Variants in TMEM154 observed in about 807,000 individuals in gnomAD.
TMEM154 encodes the protein transmembrane protein 154.
A neutral mutation model predicts 24.5 loss-of-function variants in TMEM154; 27 were observed. The ratio of observed to expected loss-of-function variants is 1.10; its 90% CI spans 0.81 to 1.52. The LOEUF is 1.52. TMEM154 is among the 40% of genes most tolerant of loss of function. The pLI is 0.00. For missense variants in TMEM154, 228 were observed against 213.4 expected (o/e 1.07, Z -0.43); for synonymous variants, 67 against 76.8 (o/e 0.87, Z 0.67).
intron 4 of TMEM154, among the ~76,000 whole-genome samples, chr4:152,643,606 A>G (rs1273199006): frequency 2.6e-5 from 4 of 152,228 alleles, no homozygotes; most frequent in Non-Finnish European, 5.9e-5. Flanking sequence ...TCAACAGGCT[A>G]CAGTTATCAC....
intron 6 of TMEM154, among the ~76,000 whole-genome samples, chr4:152,638,254 A>T (rs1456734256): frequency 2.0e-5 from 3 of 152,218 alleles, no homozygotes; most frequent in African/African-American, 7.2e-5. Flanking sequence ...CAACAGAATG[A>T]GAGTCTGTCT....
intron 6 of TMEM154, among the ~76,000 whole-genome samples, chr4:152,633,317 G>A (rs1423548460): frequency 6.6e-6 from 1 of 152,208 alleles, no homozygotes; most frequent in South Asian, 2.1e-4. Flanking sequence ...AGCTCTTACT[G>A]GTGCTGGGAT....
At chr4:152,673,156 C>T (rs1561059333) in intron 1 of TMEM154, among the ~76,000 whole-genome samples, 1 of 152,166 alleles carries the variant, frequency 6.6e-6, no homozygotes, top group Non-Finnish European at 1.5e-5. Flanking sequence ...ATCATTCCCA[C>T]TTTTCAAACA....
Position 152,678,549 on chromosome 4 carries a change from G to A in TMEM154, c.64+1321C>T, listed in dbSNP as rs182054389. Among the ~76,000 whole-genome samples, 1,012 of 147,822 alleles carry A rather than the reference G, an allele frequency of 6.8e-3. 10 individuals are homozygous for A. The highest frequency in any genetic ancestry group is 0.022 in the African/African-American group (884 of 39,944). On this transcript the variant is annotated intron_variant, in intron 1 of 6. Transcript: ENST00000304385. ...GCGGCGGTGGGGGGAGGGGGGCAGT[G>A]GTGGTGGGGGGTGGAGGAGCTCAAA...
In TMEM154 at chr4:152,622,900, A is replaced by C. The variant is rs929948188; in HGVS notation, c.*5646T>G. On this transcript the variant is annotated 3_prime_UTR_variant, in exon 7 of 7. Coordinates refer to ENST00000304385, the MANE Select transcript of TMEM154 (RefSeq NM_152680.3). Reference sequence around the variant, plus strand: ...CACCCAGGATGCAGTGCAGTGGCACAATCTTGGCTCACTGCAACTGCCGCC... The same window carrying C: ...CACCCAGGATGCAGTGCAGTGGCACCATCTTGGCTCACTGCAACTGCCGCC... The C allele has an allele frequency of 6.6e-6, 1 of 152,240 alleles. No homozygotes were observed. Among genetic ancestry groups the C allele is most frequent in the African/African-American group, 2.4e-5 (1 of 41,452 alleles). The allele number at this position is 152,240 out of a possible 1,614,324, so 9.4% of individuals were successfully genotyped here. A position where few individuals can be genotyped will look rare whatever the true frequency, so the allele number is the denominator to read the frequency against.
chr4:152,679,515 T>C (rs1371451800), intron 1 of TMEM154, among the ~76,000 whole-genome samples: 1 of 140,566 alleles, frequency 7.1e-6, no homozygotes. Flanking sequence ...CATGTCTCTG[T>C]TTCAGCCAAT....
chr4:152,631,792 CCTTTTTTTTTTTTT>C lies in TMEM154; in HGVS notation c.537-3245_537-3232del, dbSNP rs1463872795. ...TTTTTAATGTAGTTAAATCTATCCC[CCTTTTTTTTTTTTT>C]TTTTTTTTTTTTTTTTGAGACAGAG... is the stretch of plus-strand genomic sequence containing the variant. On this transcript the variant is annotated intron_variant, in intron 6 of 6. Coordinates refer to ENST00000304385, the MANE Select transcript of TMEM154 (RefSeq NM_152680.3). Among the ~76,000 whole-genome samples, 16 of 131,538 alleles carry C rather than the reference CCTTTTTTTTTTTTT, an allele frequency of 1.2e-4. No individual in the cohort carries two copies. The East Asian group carries it at 2.2e-3, about 18-fold the overall frequency. 86.3% of individuals were successfully genotyped at this position (131,538 alleles called of 152,430 possible). A position where few individuals can be genotyped will look rare whatever the true frequency, so the allele number is the denominator to read the frequency against.
At chr4:152,679,531 C>A (rs1476389539) in intron 1 of TMEM154, among the ~76,000 whole-genome samples, 1 of 57,418 alleles carries the variant, frequency 1.7e-5, no homozygotes, top group Non-Finnish European at 6.6e-5. Flanking sequence ...CCAATTGAAG[C>A]TTTTGTTTTT....
At chr4:152,665,214 A>G (rs1216370162) in intron 1 of TMEM154, among the ~76,000 whole-genome samples, 3 of 152,224 alleles carry the variant, frequency 2.0e-5, no homozygotes, top group African/African-American at 4.8e-5. Flanking sequence ...TGTTCTAAAT[A>G]TCGATCAATC....
At position 152,628,915 on chromosome 4, in the gene TMEM154, A is replaced by G. The variant is rs765548310; in HGVS notation, c.537-354T>C. ...CCACCTTGACCTCCCAAAGTGCTGGAATTACAGGTGTGAGCCACTGCACCC... is the reference window on the plus strand; with the variant it reads ...CCACCTTGACCTCCCAAAGTGCTGGGATTACAGGTGTGAGCCACTGCACCC... On this transcript the variant is annotated intron_variant, in intron 6 of 6. Coordinates refer to ENST00000304385, the MANE Select transcript of TMEM154 (RefSeq NM_152680.3). 2.1e-4 allele frequency among the ~76,000 whole-genome samples: 32 copies of G among 151,850 alleles called. 1 individual carries two copies. Among genetic ancestry groups the G allele is most frequent in the Admixed American group, 3.9e-4 (6 of 15,246 alleles).
At chr4:152,661,284 T>TC (rs1728596176) in intron 1 of TMEM154, among the ~76,000 whole-genome samples, 7 of 63,408 alleles carry the variant, frequency 1.1e-4, no homozygotes, top group African/African-American at 1.2e-4. Context: ...ATTGTTCTCT[T>TC]TCTCTCTCTC....
intron 1 of TMEM154, among the ~76,000 whole-genome samples, chr4:152,678,076 G>T (rs907162419): frequency 1.3e-5 from 2 of 152,138 alleles, no homozygotes; most frequent in African/African-American, 4.8e-5. Flanking sequence ...GGTGATACAA[G>T]AATTTGCTAG....
At chr4:152,635,380 T>C (rs1056612900) in intron 6 of TMEM154, among the ~76,000 whole-genome samples, 9 of 152,260 alleles carry the variant, frequency 5.9e-5, no homozygotes, top group African/African-American at 2.2e-4. Context: ...TTCTCTAGAT[T>C]GAGCTTTATC....
chr4:152,646,468 C>G lies in TMEM154; in HGVS notation c.365-2026G>C, dbSNP rs77538487. On this transcript the variant is annotated intron_variant, in intron 3 of 6. Transcript: ENST00000304385. ...GCACACAAAGAGCAGAGCATTAAAC[C>G]AGGAGGAAGACCAATTACTTGTCCT... 7.5e-4 allele frequency: 117 copies of G among 156,892 alleles called. No homozygotes were observed. In the East Asian group the frequency reaches 0.02, roughly 27 times the overall value. 9.7% of individuals were successfully genotyped at this position (156,892 alleles called of 1,614,324 possible). A position where few individuals can be genotyped will look rare whatever the true frequency, so the allele number is the denominator to read the frequency against.
intron 3 of TMEM154, among the ~76,000 whole-genome samples, chr4:152,647,795 T>C (rs1181516670): frequency 6.6e-6 from 1 of 152,212 alleles, no homozygotes; most frequent in Non-Finnish European, 1.5e-5. Flanking sequence ...TCTAAGTGAT[T>C]TGCCTATATA....
chr4:152,672,003 C>T (rs1228472910), intron 1 of TMEM154, among the ~76,000 whole-genome samples: 2 of 151,142 alleles, frequency 1.3e-5, no homozygotes, highest in African/African-American at 4.9e-5. Flanking sequence ...GCCTATAATC[C>T]CAGGACTTTG....
chr4:152,663,983 C>T (rs1421548513), intron 1 of TMEM154, among the ~76,000 whole-genome samples: 3 of 152,206 alleles, frequency 2.0e-5, no homozygotes, highest in Non-Finnish European at 4.4e-5. Context: ...ATTATCCCTG[C>T]TCAGGGCATT....
In TMEM154 at chr4:152,628,269, A is replaced by G; in HGVS notation, c.*277T>C. The G allele has an allele frequency of 1.8e-6, 1 of 546,126 alleles. No individual in the cohort carries two copies. Among genetic ancestry groups the G allele is most frequent in the Non-Finnish European group, 3.2e-6 (1 of 312,106 alleles). The allele number at this position is 546,126 out of a possible 1,614,324, so 33.8% of individuals were successfully genotyped here. The stretch of plus-strand genomic sequence containing the variant: ...GGCTGAGAGGAGGCAACACATGTTG[A>G]TCAGAAGTGAGCACATCACCCGCCT... On this transcript the variant is annotated 3_prime_UTR_variant, in exon 7 of 7. Transcript: ENST00000304385.
rs1751857675 is a variant in TMEM154 at position 152,622,393 on chromosome 4, A to C, written c.*6153T>G. On this transcript the variant is annotated 3_prime_UTR_variant, in exon 7 of 7. Transcript: ENST00000304385. ...ATTCTTTTTCATAGACACAGAAATTAAAAGAACTTTTCCTTAGAAAGATGC... is the reference window on the plus strand; with the variant it reads ...ATTCTTTTTCATAGACACAGAAATTCAAAGAACTTTTCCTTAGAAAGATGC... 6.6e-6 allele frequency: 1 copy of C among 152,190 alleles called. No individual in the cohort carries two copies. The highest frequency in any genetic ancestry group is 1.5e-5 in the Non-Finnish European group (1 of 68,016). 9.4% of individuals were successfully genotyped at this position (152,190 alleles called of 1,614,324 possible). A position where few individuals can be genotyped will look rare whatever the true frequency, so the allele number is the denominator to read the frequency against.
Sources: allele counts gnomAD v4.1 joint callset (sites outside exome capture counted in the v4.1 genomes callset), GRCh38; gene constraint gnomAD v4.1.1; transcripts MANE v1.5; gene names NCBI Gene and HGNC (gene_info 2026-07-23, HGNC 2026-07-21).